The following DNM3 variants were observed in gnomAD, a reference collection of about 807,000 sequenced individuals.
DNM3 encodes the protein dynamin 3, also known as dynamin-3.
A neutral mutation model predicts 101.6 loss-of-function variants in DNM3; 47 were observed. The ratio of observed to expected loss-of-function variants is 0.46; its 90% CI spans 0.37 to 0.59. DNM3 has a LOEUF of 0.59. DNM3 is among the 20% of genes least tolerant of loss of function. DNM3 has a pLI of 0.00. For synonymous variants in DNM3, 385 were observed against 387.9 expected, an observed-to-expected ratio of 0.99 and a Z score of 0.09; for missense variants, 849 against 1,085.7, an observed-to-expected ratio of 0.78 and a Z score of 3.06.
intron 14 of DNM3, among the ~76,000 whole-genome samples, chr1:172,193,732 C>A (rs1390655368): frequency 6.6e-6 from 1 of 152,030 alleles, no homozygotes; most frequent in Non-Finnish European, 1.5e-5. Flanking sequence ...TTTGTTGCAT[C>A]TATTTGATTC....
At chr1:172,089,633 G>A (rs1434070623) in intron 12 of DNM3, among the ~76,000 whole-genome samples, 1 of 152,092 alleles carries the variant, frequency 6.6e-6, no homozygotes, top group African/African-American at 2.4e-5. Flanking sequence ...GCCAATTGCT[G>A]CAAAAAGATT....
intron 15 of DNM3, among the ~76,000 whole-genome samples, chr1:172,299,479 A>G (rs1326264605): frequency 6.6e-6 from 1 of 152,034 alleles, no homozygotes; most frequent in Non-Finnish European, 1.5e-5. Flanking sequence ...AAATGATCCC[A>G]TTACCCATGT....
At chr1:172,400,402 G>A (rs2070384624) in intron 20 of DNM3, among the ~76,000 whole-genome samples, 1 of 152,028 alleles carries the variant, frequency 6.6e-6, no homozygotes, top group Non-Finnish European at 1.5e-5. Context: ...GGATAGAAGG[G>A]AGATAGGAAG....
At chr1:171,884,766 T>C (rs1229649902) in intron 1 of DNM3, among the ~76,000 whole-genome samples, 1 of 152,190 alleles carries the variant, frequency 6.6e-6, no homozygotes, top group Non-Finnish European at 1.5e-5. Flanking sequence ...CCCAAAAGCA[T>C]CAACAGAGCA....
At chr1:172,398,888 T>C (rs1031047338) in intron 20 of DNM3, among the ~76,000 whole-genome samples, 1 of 152,232 alleles carries the variant, frequency 6.6e-6, no homozygotes, top group Non-Finnish European at 1.5e-5. Context: ...ACCATTAAGG[T>C]GTAAAACAAA....
In DNM3 at chr1:172,033,074, C is replaced by T. The variant is rs753168228; in HGVS notation, c.689-31C>T. 8.1e-6 allele frequency: 13 copies of T among 1,603,238 alleles called. No homozygotes were observed. In the African/African-American group the frequency reaches 1.6e-4, roughly 20 times the overall value. On this transcript the variant is annotated intron_variant, in intron 5 of 20. Transcript: ENST00000627582. ...CCTAGAATAAGCCACAAAAAGTGTC[C>T]CCAACTCCATAGATTTGTGTTTTGT...
At chr1:172,065,122 C>T (rs1367660140) in intron 10 of DNM3, among the ~76,000 whole-genome samples, 1 of 152,208 alleles carries the variant, frequency 6.6e-6, no homozygotes, top group Non-Finnish European at 1.5e-5. Context: ...TCATTTTGGC[C>T]TTTCCCTGAC....
chr1:172,234,424 G>C (rs1445502817), intron 14 of DNM3, among the ~76,000 whole-genome samples: 1 of 152,096 alleles, frequency 6.6e-6, no homozygotes, highest in Non-Finnish European at 1.5e-5. Context: ...CTCATGGATA[G>C]GAAGAATCAA....
intron 15 of DNM3, among the ~76,000 whole-genome samples, chr1:172,300,178 A>C (rs1289946058): frequency 6.6e-6 from 1 of 151,568 alleles, no homozygotes; most frequent in Non-Finnish European, 1.5e-5. Flanking sequence ...TGTTGCTTGT[A>C]TGTCTTCTTT....
At chr1:172,314,277 C>G (rs2586425) in intron 16 of DNM3, among the ~76,000 whole-genome samples, 11,579 of 152,244 alleles carry the variant, frequency 0.076, 517 homozygotes, top group African/African-American at 0.11. Flanking sequence ...CGAATAGGAA[C>G]AGCTCCGGTC....
chr1:171,949,549 A>G (rs965128713), intron 2 of DNM3, among the ~76,000 whole-genome samples: 7 of 151,670 alleles, frequency 4.6e-5, no homozygotes, highest in Non-Finnish European at 8.8e-5. Flanking sequence ...ATATGGGACC[A>G]CAGGCACATG....
chr1:171,943,585 A>G (rs2041960163), intron 2 of DNM3, among the ~76,000 whole-genome samples: 1 of 152,188 alleles, frequency 6.6e-6, no homozygotes, highest in South Asian at 2.1e-4. Context: ...CTTTCAATCA[A>G]TTGCCAATGG....
At chr1:172,111,362 G>T (rs1234431972) in intron 13 of DNM3, among the ~76,000 whole-genome samples, 1 of 152,208 alleles carries the variant, frequency 6.6e-6, no homozygotes, top group Non-Finnish European at 1.5e-5. Flanking sequence ...GAAGGTATAA[G>T]TATTTGGTAT....
At chr1:172,158,863 C>T (rs1200435450) in intron 14 of DNM3, among the ~76,000 whole-genome samples, 1 of 151,998 alleles carries the variant, frequency 6.6e-6, no homozygotes, top group African/African-American at 2.4e-5. Flanking sequence ...CAGTTATAAG[C>T]ATTATGGCTT....
intron 4 of DNM3, among the ~76,000 whole-genome samples, chr1:172,002,249 AT>A (rs2046399712): frequency 6.6e-6 from 1 of 152,090 alleles, no homozygotes; most frequent in African/African-American, 2.4e-5. Flanking sequence ...AAAAAATCAG[AT>A]TAAAAAATGA....
intron 17 of DNM3, among the ~76,000 whole-genome samples, chr1:172,340,716 G>T (rs1263656094): frequency 1.3e-5 from 2 of 152,198 alleles, no homozygotes; most frequent in Non-Finnish European, 2.9e-5. Context: ...TTTCTAGATA[G>T]ACTATGGGGT....
intron 13 of DNM3, 97 bp downstream of exon 13, chr1:172,092,972 C>A: frequency 1.7e-6 from 2 of 1,178,946 alleles, no homozygotes; most frequent in Non-Finnish European, 2.3e-6. Context: ...TAATCACGTG[C>A]AAATTTTGCT....
chr1:172,041,051 G>A (rs894143193), intron 7 of DNM3, among the ~76,000 whole-genome samples: 9 of 152,060 alleles, frequency 5.9e-5, no homozygotes, highest in Non-Finnish European at 1.2e-4. Context: ...CAAGGCTAGA[G>A]CTAGTTTAGA....
At chr1:172,225,242 G>T (rs1372100734) in intron 14 of DNM3, among the ~76,000 whole-genome samples, 13 of 139,234 alleles carry the variant, frequency 9.3e-5, no homozygotes, top group Non-Finnish European at 1.5e-5. Flanking sequence ...AGATTCAAGT[G>T]ATTCTCCCTT....
Sources: allele counts gnomAD v4.1 joint callset (sites outside exome capture counted in the v4.1 genomes callset), GRCh38; gene constraint gnomAD v4.1.1; transcripts MANE v1.5; gene names NCBI Gene and HGNC (gene_info 2026-07-23, HGNC 2026-07-21).